EFNA5: variants seen among roughly 807,000 people sequenced by gnomAD.
The protein encoded by EFNA5 is ephrin-A5.
Under a neutral mutation model 22.9 loss-of-function variants are expected in EFNA5, and 5 were observed. That is an observed-to-expected ratio of 0.22 (90% confidence interval 0.11 to 0.46). The LOEUF is 0.46. Ranked by LOEUF, EFNA5 falls within the 20% of genes least tolerant of loss-of-function variation. The probability of loss-of-function intolerance (pLI) is 0.99; values close to 1 mark genes in which losing one functional copy is unlikely to be tolerated. For synonymous variants in EFNA5, 113 were observed against 112.2 expected (o/e 1.01, Z -0.04); for missense variants, 237 against 293.3 (o/e 0.81, Z 1.40).
intron 1 of EFNA5, among the ~76,000 whole-genome samples, chr5:107,506,949 C>T (rs152560): frequency 0.62 from 94,289 of 151,894 alleles, 30,817 homozygotes; most frequent in African/African-American, 0.83. Context: ...TATTATCCTA[C>T]GGGCTAAGAA....
At chr5:107,419,328 C>G (rs907158919) in intron 2 of EFNA5, among the ~76,000 whole-genome samples, 5 of 152,148 alleles carry the variant, frequency 3.3e-5, no homozygotes, top group Non-Finnish European at 7.3e-5. Context: ...AGACACAATT[C>G]CCTAAACTCA....
At chr5:107,661,536 G>A (rs1055684678) in intron 1 of EFNA5, among the ~76,000 whole-genome samples, 1 of 152,196 alleles carries the variant, frequency 6.6e-6, no homozygotes, top group Admixed American at 6.5e-5. Context: ...AGAGGTCACC[G>A]CTTCCACATT....
chr5:107,557,844 T>C (rs1294212912), intron 1 of EFNA5, among the ~76,000 whole-genome samples: 1 of 152,202 alleles, frequency 6.6e-6, no homozygotes, highest in Non-Finnish European at 1.5e-5. Flanking sequence ...AATAATGATG[T>C]AAATAATGAA....
At chr5:107,538,904 C>T (rs1747982909) in intron 1 of EFNA5, among the ~76,000 whole-genome samples, 1 of 152,160 alleles carries the variant, frequency 6.6e-6, no homozygotes, top group Non-Finnish European at 1.5e-5. Context: ...TCTCTTTTGT[C>T]AAGGCTGCCT....
chr5:107,592,826 C>T (rs1254983788), intron 1 of EFNA5, among the ~76,000 whole-genome samples: 1 of 152,104 alleles, frequency 6.6e-6, no homozygotes, highest in Admixed American at 6.6e-5. Flanking sequence ...CCTAATGTCT[C>T]CACCCAAATG....
chr5:107,654,454 C>A (rs1750787229), intron 1 of EFNA5, among the ~76,000 whole-genome samples: 1 of 151,926 alleles, frequency 6.6e-6, no homozygotes, highest in Non-Finnish European at 1.5e-5. Context: ...TTGTTAGATA[C>A]CTAAGGAAGA....
chr5:107,423,851 T>C (rs1226261501), intron 2 of EFNA5, among the ~76,000 whole-genome samples: 1 of 152,136 alleles, frequency 6.6e-6, no homozygotes, highest in South Asian at 2.1e-4. Flanking sequence ...GGAGTTAAAA[T>C]AAAGGGACTA....
At chr5:107,393,815 C>G (rs1209076752) in intron 2 of EFNA5, among the ~76,000 whole-genome samples, 1 of 152,092 alleles carries the variant, frequency 6.6e-6, no homozygotes, top group East Asian at 1.9e-4. Flanking sequence ...GAGTAAAGCC[C>G]ATTTAAATCC....
chr5:107,544,795 C>A (rs556706693), intron 1 of EFNA5, among the ~76,000 whole-genome samples: 1 of 152,218 alleles, frequency 6.6e-6, no homozygotes, highest in Admixed American at 6.5e-5. Flanking sequence ...CCAATCACAA[C>A]CCAAATATTT....
chr5:107,435,622 A>C (rs959126928), intron 1 of EFNA5, among the ~76,000 whole-genome samples: 3 of 152,188 alleles, frequency 2.0e-5, no homozygotes, highest in African/African-American at 7.2e-5. Context: ...TTTCAGACCA[A>C]TCCAGCTCTT....
intron 1 of EFNA5, among the ~76,000 whole-genome samples, chr5:107,526,498 C>G (rs1747698408): frequency 6.6e-6 from 1 of 152,160 alleles, no homozygotes; most frequent in African/African-American, 2.4e-5. Context: ...ACATGGCCAC[C>G]CTCTGTGACT....
intron 2 of EFNA5, among the ~76,000 whole-genome samples, chr5:107,405,389 C>T: frequency 6.6e-6 from 1 of 152,208 alleles, no homozygotes; most frequent in East Asian, 1.9e-4. Flanking sequence ...TACAGACATT[C>T]CAGGGCCTTT....
At chr5:107,381,413 C>T (rs1198721810) in intron 4 of EFNA5, 37 bp from the exon 5 acceptor site, 2 of 1,580,342 alleles carry the variant, frequency 1.3e-6, no homozygotes, top group Non-Finnish European at 1.7e-6. Flanking sequence ...AATGAGATTT[C>T]ACATCCTTAA....
chr5:107,507,677 A>G (rs1316591037), intron 1 of EFNA5, among the ~76,000 whole-genome samples: 3 of 152,110 alleles, frequency 2.0e-5, no homozygotes, highest in African/African-American at 7.2e-5. Context: ...TCTCCTAAAG[A>G]TAAAAAAAAA....
intron 1 of EFNA5, among the ~76,000 whole-genome samples, chr5:107,457,911 T>G (rs1749735569): frequency 6.6e-6 from 1 of 152,192 alleles, no homozygotes. Flanking sequence ...AAAACAACTC[T>G]AAGAAGTGGG....
intron 1 of EFNA5, among the ~76,000 whole-genome samples, chr5:107,541,742 T>A (rs1388908533): frequency 6.6e-6 from 1 of 152,222 alleles, no homozygotes. Flanking sequence ...ATAGATTTTA[T>A]ACTTGATAAG....
At chr5:107,560,629 T>C (rs1483361222) in intron 1 of EFNA5, among the ~76,000 whole-genome samples, 1 of 152,242 alleles carries the variant, frequency 6.6e-6, no homozygotes, top group Non-Finnish European at 1.5e-5. Context: ...CATATGCTAC[T>C]ACCTAGCTGT....
chr5:107,669,622 A>T (rs1296275191), intron 1 of EFNA5, among the ~76,000 whole-genome samples: 1 of 151,934 alleles, frequency 6.6e-6, no homozygotes, highest in Admixed American at 6.6e-5. Flanking sequence ...CCCGGCGCCC[A>T]CCTCTAGTCT....
intron 1 of EFNA5, among the ~76,000 whole-genome samples, chr5:107,524,914 G>T (rs1381040543): frequency 6.6e-6 from 1 of 152,148 alleles, no homozygotes; most frequent in Admixed American, 6.6e-5. Flanking sequence ...AAAATTAGTA[G>T]CATGCAAGCT....
Sources: allele counts gnomAD v4.1 joint callset (sites outside exome capture counted in the v4.1 genomes callset), GRCh38; gene constraint gnomAD v4.1.1; transcripts MANE v1.5; gene names NCBI Gene and HGNC (gene_info 2026-07-23, HGNC 2026-07-21).